VTCN1: variants seen among roughly 807,000 people sequenced by gnomAD.
VTCN1 encodes V-set domain containing T cell activation inhibitor 1, also known as V-set domain-containing T-cell activation inhibitor 1.
VTCN1 carries 26 observed loss-of-function variants against 26.5 expected under a neutral mutation model. The ratio of observed to expected loss-of-function variants is 0.98; its 90% confidence interval spans 0.72 to 1.36. The LOEUF is 1.36. VTCN1 is among the 40% of genes most tolerant of loss of function. The probability of loss-of-function intolerance (pLI) is 0.00; values close to 1 mark genes in which losing one functional copy is unlikely to be tolerated. For missense variants in VTCN1, 298 were observed against 337.7 expected, an observed-to-expected ratio of 0.88 and a Z score of 0.92; for synonymous variants, 116 against 130.7, an observed-to-expected ratio of 0.89 and a Z score of 0.77.
intron 1 of VTCN1, among the ~76,000 whole-genome samples, chr1:117,177,372 C>T (rs1346432879): frequency 6.6e-6 from 1 of 152,128 alleles, no homozygotes; most frequent in African/African-American, 2.4e-5. Context: ...CTCTACCCCT[C>T]TCCCTGTATC....
At chr1:117,188,187 G>C (rs1245537644) in intron 1 of VTCN1, among the ~76,000 whole-genome samples, 1 of 152,168 alleles carries the variant, frequency 6.6e-6, no homozygotes, top group Non-Finnish European at 1.5e-5. Flanking sequence ...TCATACTTGA[G>C]AAATTCAATA....
At chr1:117,151,364 G>A (rs1312627263) in intron 4 of VTCN1, among the ~76,000 whole-genome samples, 3 of 152,194 alleles carry the variant, frequency 2.0e-5, no homozygotes, top group Non-Finnish European at 2.9e-5. Flanking sequence ...CGCAGTGAGA[G>A]TCACAGCTCT....
rs981806310 is a variant in VTCN1, at chr1:117,181,234, T to C, written c.33-11063A>G. On this transcript the variant is annotated intron_variant, in intron 1 of 5. Coordinates refer to ENST00000369458, the MANE Select transcript of VTCN1 (RefSeq NM_024626.4). ...GAGTTGGAAACTAGCCTGGGCAACATAGTGAGACCCTGTCTTTACAAAAAA... is the reference window on the plus strand; with the variant it reads ...GAGTTGGAAACTAGCCTGGGCAACACAGTGAGACCCTGTCTTTACAAAAAA... 2.8e-5 allele frequency among the ~76,000 whole-genome samples: 4 copies of C among 145,394 alleles called. No individual in the cohort carries two copies. The East Asian group carries it at 8.1e-4, about 30-fold the overall frequency.
At chr1:117,206,002 C>T (rs1412349725) in intron 1 of VTCN1, among the ~76,000 whole-genome samples, 1 of 152,138 alleles carries the variant, frequency 6.6e-6, no homozygotes, top group Admixed American at 6.5e-5. Flanking sequence ...CACCCTGAAG[C>T]TCTTCACCAC....
chr1:117,161,791 A>G lies in VTCN1; in HGVS notation c.98-4870T>C, dbSNP rs1652380727. Among the ~76,000 whole-genome samples, 1 of 152,252 alleles carries G rather than the reference A, an allele frequency of 6.6e-6. No individual in the cohort carries two copies. The highest frequency in any genetic ancestry group is 1.5e-5 in the Non-Finnish European group (1 of 68,040). On this transcript the variant is annotated intron_variant, in intron 2 of 5. Transcript: ENST00000369458. The surrounding 1 kb of genome is among the most constrained non-coding windows in gnomAD (Gnocchi z 4.3). ...GCAATAAAAATACTGAGAGGTTCAC[A>G]ATAAAATCATGAATCAAATACAACT...
rs150701149 is a variant in VTCN1 at position 117,179,960 on chromosome 1, G to C, written c.33-9789C>G. Among the ~76,000 whole-genome samples the C allele has an allele frequency of 3.1e-3, 469 of 152,280 alleles. 2 individuals carry two copies. The highest frequency in any genetic ancestry group is 0.011 in the African/African-American group (449 of 41,560). The stretch of plus-strand genomic sequence containing the variant: ...GCAGGATTAGACTCAGGTCTCAGAT[G>C]CCATCATCGTTGGTCTTAACCATTA... On this transcript the variant is annotated intron_variant, in intron 1 of 5. Transcript: ENST00000369458.
rs1652042440 is a variant in VTCN1 at position 117,155,830 on chromosome 1, C to T, written c.445+744G>A. 6.6e-6 allele frequency among the ~76,000 whole-genome samples: 1 copy of T among 152,220 alleles called. No homozygotes were observed. The highest frequency in any genetic ancestry group is 2.1e-4 in the South Asian group (1 of 4,826). Reference sequence around the variant, plus strand: ...TCCAGGGGGCTTTCCCATCCCTTCCCTCCTATGCATTTGAACGGGATCTCT... The same window carrying T: ...TCCAGGGGGCTTTCCCATCCCTTCCTTCCTATGCATTTGAACGGGATCTCT... On this transcript the variant is annotated intron_variant, in intron 3 of 5. Transcript: ENST00000369458. The surrounding 1 kb of genome is among the most constrained non-coding windows in gnomAD (Gnocchi z 4.8).
Position 117,209,089 on chromosome 1 carries a change from G to A in VTCN1, c.32+1735C>T, listed in dbSNP as rs146142403. Among the ~76,000 whole-genome samples, 1,263 of 152,298 alleles carry A rather than the reference G, an allele frequency of 8.3e-3. 14 individuals are homozygous for A. The highest frequency in any genetic ancestry group is 0.038 in the South Asian group (183 of 4,824). On this transcript the variant is annotated intron_variant, in intron 1 of 5. Coordinates refer to ENST00000369458, the MANE Select transcript of VTCN1 (RefSeq NM_024626.4). Reference sequence around the variant, plus strand: ...TCTTCCTGGAGGTCCCTTGCACAAAGGATCTGCCACCCTCATGGACAGTCG... The same window carrying A: ...TCTTCCTGGAGGTCCCTTGCACAAAAGATCTGCCACCCTCATGGACAGTCG...
intron 2 of VTCN1, among the ~76,000 whole-genome samples, chr1:117,160,675 T>G (rs1652322076): frequency 6.6e-6 from 1 of 152,256 alleles, no homozygotes; most frequent in African/African-American, 2.4e-5. Context: ...AATTATTTGT[T>G]GATTTTCTGC....
chr1:117,183,386 T>C lies in VTCN1; in HGVS notation c.33-13215A>G, dbSNP rs1010319115. 3.3e-5 allele frequency among the ~76,000 whole-genome samples: 5 copies of C among 152,260 alleles called. No homozygotes were observed. Among genetic ancestry groups the C allele is most frequent in the Non-Finnish European group, 7.3e-5 (5 of 68,048 alleles). Reference sequence around the variant, plus strand: ...TTAATGAATAAATAAATATCCATGCTGTGCTACTGAGAGAAACTAACACAT... The same window carrying C: ...TTAATGAATAAATAAATATCCATGCCGTGCTACTGAGAGAAACTAACACAT... On this transcript the variant is annotated intron_variant, in intron 1 of 5. Transcript: ENST00000369458. The surrounding 1 kb of genome is among the most constrained non-coding windows in gnomAD (Gnocchi z 4.1).
At chr1:117,189,924 G>A (rs942268147) in intron 1 of VTCN1, among the ~76,000 whole-genome samples, 1 of 152,040 alleles carries the variant, frequency 6.6e-6, no homozygotes, top group African/African-American at 2.4e-5. Flanking sequence ...GTAGGCTCAT[G>A]CCTTGGTGGC....
chr1:117,187,681 C>G (rs527613538), intron 1 of VTCN1, among the ~76,000 whole-genome samples: 1 of 152,196 alleles, frequency 6.6e-6, no homozygotes, highest in South Asian at 2.1e-4. Flanking sequence ...CTAAGTTTCT[C>G]AAGAACAGGG....
chr1:117,202,430 A>C (rs1648835572), intron 1 of VTCN1, among the ~76,000 whole-genome samples: 1 of 152,118 alleles, frequency 6.6e-6, no homozygotes, highest in Non-Finnish European at 1.5e-5. Flanking sequence ...AGCTTCAGGG[A>C]GGTGGTGAGG....
chr1:117,203,654 A>G, intron 1 of VTCN1: 2 of 985,428 alleles, frequency 2.0e-6, no homozygotes, highest in Non-Finnish European at 2.4e-6. Flanking sequence ...TGTTTTCATC[A>G]AGACCCATCT....
intron 1 of VTCN1, chr1:117,203,796 A>G: frequency 1.0e-6 from 1 of 985,432 alleles, no homozygotes; most frequent in Non-Finnish European, 1.2e-6. Context: ...CTGCTAATAC[A>G]GAGAATCACC....
chr1:117,201,547 T>C (rs1317228633), intron 1 of VTCN1, among the ~76,000 whole-genome samples: 2 of 152,184 alleles, frequency 1.3e-5, no homozygotes, highest in African/African-American at 4.8e-5. Context: ...AGCAGCAATT[T>C]GCAAGCCTGC....
chr1:117,160,092 T>C (rs1652289084), intron 2 of VTCN1, among the ~76,000 whole-genome samples: 1 of 152,136 alleles, frequency 6.6e-6, no homozygotes, highest in Non-Finnish European at 1.5e-5. Flanking sequence ...GTGGCTTGGA[T>C]ATGAAACTAA....
chr1:117,184,892 T>C (rs1433823940), intron 1 of VTCN1, among the ~76,000 whole-genome samples: 1 of 152,170 alleles, frequency 6.6e-6, no homozygotes, highest in Non-Finnish European at 1.5e-5. Context: ...AGGCAGATTC[T>C]GTTAGGGACT....
intron 1 of VTCN1, among the ~76,000 whole-genome samples, chr1:117,180,070 A>G (rs1647595419): frequency 6.6e-6 from 1 of 152,240 alleles, no homozygotes; most frequent in Admixed American, 6.5e-5. Context: ...GTTGTAACTG[A>G]TGGAAGGACA....
Sources: gnomAD v4.1 joint callset for allele counts (sites outside exome capture counted in the v4.1 genomes callset) on GRCh38, gnomAD v4.1.1 for gene constraint, Gnocchi (gnomAD v3.1) non-coding constraint, MANE v1.5 for transcripts, NCBI Gene and HGNC (gene_info 2026-07-23, HGNC 2026-07-21) for gene names.